Variants in MAP2K2 observed in about 807,000 individuals in gnomAD.
MAP2K2 encodes dual specificity mitogen-activated protein kinase kinase 2.
In MAP2K2, 24 loss-of-function variants were observed where a neutral mutation model predicts 43.7. The ratio of observed to expected loss-of-function variants is 0.55; its 90% CI spans 0.40 to 0.77. The LOEUF is 0.77. Among genes scored for constraint, MAP2K2 ranks in the 30% least tolerant of loss-of-function variants. MAP2K2 has a pLI of 0.00. For missense variants in MAP2K2, 470 were observed against 566.8 expected, an observed-to-expected ratio of 0.83 and a Z score of 1.73; for synonymous variants, 244 against 239.7, an observed-to-expected ratio of 1.02 and a Z score of -0.17.
At position 4,102,790 on chromosome 19, in the gene MAP2K2, G is replaced by C. The variant is rs968723563; in HGVS notation, c.451-337C>G. On this transcript the variant is annotated intron_variant, in intron 3 of 10. Coordinates refer to ENST00000262948, the MANE Select transcript of MAP2K2 (RefSeq NM_030662.4). ...GCCGCGGCCGGGGGCTCAGGCAGCT[G>C]TGGGGCCCGCACTCCCTGCAGCCTA... The C allele has an allele frequency of 2.4e-6, 3 of 1,252,102 alleles. No individual in the cohort carries two copies. In the East Asian group the frequency reaches 1.3e-4, roughly 54 times the overall value. The allele number at this position is 1,252,102 out of a possible 1,614,324, so 77.6% of individuals were successfully genotyped here. A position where few individuals can be genotyped will look rare whatever the true frequency, so the allele number is the denominator to read the frequency against.
rs2145069576 is a variant in MAP2K2 at position 4,110,517 on chromosome 19, C to T, written c.442G>A (p.Glu148Lys). 1.9e-6 allele frequency: 3 copies of T among 1,613,634 alleles called. No homozygotes were observed. Among genetic ancestry groups the T allele is most frequent in the Non-Finnish European group, 2.5e-6 (3 of 1,180,028 alleles). The change falls in exon 3 of 11, where the codon GAA becomes AAA. Residue 148 changes from glutamate (E) to lysine (K), a missense_variant. Glu to Lys is a moderately conservative substitution (Grantham distance 56). Coordinates refer to ENST00000262948, the MANE Select transcript of MAP2K2 (RefSeq NM_030662.4). ...YSDGEISICM[E>K]HMDGGSLDQV... The stretch of plus-strand genomic sequence containing the variant: ...GCCCCGGACGCACTCACCATGTGTT[C>T]CATGCAAATGCTGATCTCCCCGTCA...
At chr19:4,121,092 G>A (rs2041286967) in intron 1 of MAP2K2, among the ~76,000 whole-genome samples, 1 of 151,428 alleles carries the variant, frequency 6.6e-6, no homozygotes, top group Non-Finnish European at 1.5e-5. Context: ...TGCAGAACGG[G>A]AGTGCAGAGA....
intron 9 of MAP2K2, 191 bp downstream of exon 9, chr19:4,095,197 G>T (rs2040899569): frequency 5.1e-6 from 3 of 588,914 alleles, no homozygotes; most frequent in South Asian, 3.9e-5. Context: ...CGGACAGGAT[G>T]GCATGGCAGC....
At position 4,105,316 on chromosome 19, in the gene MAP2K2, G is replaced by A. The variant is rs918225010; in HGVS notation, c.451-2863C>T. Among the ~76,000 whole-genome samples the A allele has an allele frequency of 6.0e-5, 9 of 150,904 alleles. No individual in the cohort carries two copies. The East Asian group carries it at 1.6e-3, about 26-fold the overall frequency. ...CGGAGTCTCGCTCTGTTGCCCAGGC[G>A]GGGGTGCAGTGGCACCATCTCGGCT... On this transcript the variant is annotated intron_variant, in intron 3 of 10. Coordinates refer to ENST00000262948, the MANE Select transcript of MAP2K2 (RefSeq NM_030662.4).
intron 1 of MAP2K2, among the ~76,000 whole-genome samples, chr19:4,117,939 C>CT (rs1236028106): frequency 2.6e-5 from 4 of 151,972 alleles, no homozygotes; most frequent in African/African-American, 9.7e-5. Context: ...TTTTTCTTTT[C>CT]TTTTTCTTTT....
In MAP2K2 at chr19:4,101,598, C is replaced by G. The variant is rs1158096021; in HGVS notation, c.529-318G>C. Among the ~76,000 whole-genome samples the G allele has an allele frequency of 6.6e-6, 1 of 152,176 alleles. No homozygotes were observed. The highest frequency in any genetic ancestry group is 1.5e-5 in the Non-Finnish European group (1 of 68,032). ...TGGTGGCCCATGGCCCGGGAGTAGG[C>G]TGGGCTGCCGAGTTTGCCCACATCA... On this transcript the variant is annotated intron_variant, in intron 4 of 10. Coordinates refer to ENST00000262948, the MANE Select transcript of MAP2K2 (RefSeq NM_030662.4). This position sits in a 1 kb window ranked among gnomAD's most constrained non-coding sequence, Gnocchi z 6.3.
intron 3 of MAP2K2, among the ~76,000 whole-genome samples, chr19:4,105,831 C>T (rs2041079212): frequency 6.6e-6 from 1 of 151,866 alleles, no homozygotes; most frequent in African/African-American, 2.4e-5. Flanking sequence ...GCCACCATGT[C>T]CTGCTAATTT....
chr19:4,091,217 G>C (rs916114914), intron 10 of MAP2K2, among the ~76,000 whole-genome samples: 1 of 152,236 alleles, frequency 6.6e-6, no homozygotes, highest in African/African-American at 2.4e-5. Flanking sequence ...ACAGAACTCC[G>C]CGAAGAGCAT....
chr19:4,094,537 G>C, intron 9 of MAP2K2, 39 bp from the exon 10 acceptor site: 1 of 1,555,084 alleles, frequency 6.4e-7, no homozygotes, highest in Non-Finnish European at 8.7e-7. Context: ...GGCGGTGGAG[G>C]AGACAAGACA....
intron 2 of MAP2K2, among the ~76,000 whole-genome samples, chr19:4,113,109 A>G (rs1374557513): frequency 6.6e-6 from 1 of 152,198 alleles, no homozygotes; most frequent in Non-Finnish European, 1.5e-5. Flanking sequence ...GAAGCAGGAA[A>G]GAGCGCGCGT....
chr19:4,100,053 T>A (rs1373417564), intron 6 of MAP2K2: 1 of 154,828 alleles, frequency 6.5e-6, no homozygotes, highest in Non-Finnish European at 1.4e-5. Flanking sequence ...GAGACCATCC[T>A]GGCTGACATG....
At position 4,110,804 on chromosome 19, in the gene MAP2K2, A is replaced by G. The variant is rs552278199; in HGVS notation, c.304-149T>C. Reference sequence around the variant, plus strand: ...ATTCCACCCCTAGGTGTCTGCCTAGAAGTGGACACATACGTCCACACAGAA... The same window carrying G: ...ATTCCACCCCTAGGTGTCTGCCTAGGAGTGGACACATACGTCCACACAGAA... On this transcript the variant is annotated intron_variant, in intron 2 of 10. Coordinates refer to ENST00000262948, the MANE Select transcript of MAP2K2 (RefSeq NM_030662.4). The G allele has an allele frequency of 1.1e-4, 88 of 775,120 alleles. No homozygotes were observed. In the East Asian group the frequency reaches 2.1e-3, roughly 19 times the overall value. 48.0% of individuals were successfully genotyped at this position (775,120 alleles called of 1,614,324 possible).
At position 4,090,660 on chromosome 19, in the gene MAP2K2, C is replaced by T. The variant is rs565860695; in HGVS notation, c.1141G>A (p.Gly381Ser). 14 of 1,559,118 alleles carry T rather than the reference C, an allele frequency of 9.0e-6. No homozygotes were observed. The highest frequency in any genetic ancestry group is 3.9e-5 in the Admixed American group (2 of 51,936). ...RSEVEEVDFA[G>S]WLCKTLRLNQ... ...AGCCGCAGGGTTTTACACAACCAGC[C>T]GGCAAAATCCACTTCTTCCACCTCG... The change falls in exon 11 of 11, where the codon GGC becomes AGC. Residue 381 changes from glycine to serine, a missense_variant. By Grantham distance (56) the Gly-to-Ser change is moderately conservative. Around this residue, in one of 3 missense-constraint regions of MAP2K2, gnomAD observed 212 missense variants for 220.8 expected, o/e 0.96. Transcript: ENST00000262948.
At chr19:4,097,419 GC>G in intron 7 of MAP2K2, 76 bp from the exon 8 acceptor site, 1 of 1,136,870 alleles carries the variant, frequency 8.8e-7, no homozygotes, top group East Asian at 2.4e-5. Context: ...CTCCCAGGGG[GC>G]TGATCACCAC....
In MAP2K2 at chr19:4,122,768, A is replaced by G. The variant is rs562438833; in HGVS notation, c.92+1016T>C. Among the ~76,000 whole-genome samples the G allele has an allele frequency of 1.5e-3, 218 of 147,790 alleles. 2 individuals carry two copies. Among genetic ancestry groups the G allele is most frequent in the African/African-American group, 5.3e-3 (212 of 39,792 alleles). ...CGATTTCACTATTCAGGGACCGTTC[A>G]CCCCATTTCACTACTCAGAGACCTA... is the stretch of plus-strand genomic sequence containing the variant. On this transcript the variant is annotated intron_variant, in intron 1 of 10. Transcript: ENST00000262948.
intron 1 of MAP2K2, among the ~76,000 whole-genome samples, chr19:4,120,922 CAA>C (rs1395795524): frequency 6.9e-6 from 1 of 145,364 alleles, no homozygotes; most frequent in Admixed American, 6.9e-5. Context: ...ACATTGGCAT[CAA>C]GAGTCTTCAT....
chr19:4,120,765 C>T (rs2041282965), intron 1 of MAP2K2, among the ~76,000 whole-genome samples: 1 of 152,182 alleles, frequency 6.6e-6, no homozygotes, highest in Non-Finnish European at 1.5e-5. Flanking sequence ...AAAACCTTGG[C>T]GTCCCTACAG....
chr19:4,105,309 C>A (rs1431927857), intron 3 of MAP2K2, among the ~76,000 whole-genome samples: 1 of 151,494 alleles, frequency 6.6e-6, no homozygotes, highest in East Asian at 1.9e-4. Context: ...CGCTCTGTTG[C>A]CCAGGCGGGG....
chr19:4,093,810 G>T (rs1437792241), intron 10 of MAP2K2, among the ~76,000 whole-genome samples: 1 of 152,174 alleles, frequency 6.6e-6, no homozygotes, highest in Non-Finnish European at 1.5e-5. Context: ...CTGTCTAGGG[G>T]GGTGGCATCT....
Sources: allele counts gnomAD v4.1 joint callset (sites outside exome capture counted in the v4.1 genomes callset), GRCh38; gene constraint gnomAD v4.1.1; regional missense constraint gnomAD v4.1.1; non-coding constraint Gnocchi (gnomAD v3.1); transcripts MANE v1.5; gene names NCBI Gene and HGNC (gene_info 2026-07-23, HGNC 2026-07-21).